The following MAGOH variants were observed in gnomAD, a reference collection of about 807,000 sequenced individuals.
The protein encoded by MAGOH is mago homolog, exon junction complex subunit, also known as protein mago nashi homolog.
Under a neutral mutation model 20.9 loss-of-function variants are expected in MAGOH, and 3 were observed. The ratio of observed to expected loss-of-function variants is 0.14; its 90% confidence interval spans 0.07 to 0.37. The LOEUF is 0.37. MAGOH is among the 10% of genes least tolerant of loss of function. The pLI, the probability that MAGOH is intolerant of heterozygous loss-of-function variation, is 1.00. For missense variants in MAGOH, 66 were observed against 178.1 expected, an observed-to-expected ratio of 0.37 and a Z score of 3.58; for synonymous variants, 51 against 61.0, an observed-to-expected ratio of 0.84 and a Z score of 0.76.
intron 4 of MAGOH, 26 bp from the exon 5 acceptor site, chr1:53,227,170 A>T: frequency 7.1e-7 from 1 of 1,410,870 alleles, no homozygotes; most frequent in South Asian, 1.3e-5. Context: ...AAAAAAGTTT[A>T]GGCATTAAAA....
At chr1:53,231,854 T>C (rs1056897540) in intron 3 of MAGOH, among the ~76,000 whole-genome samples, 1 of 152,376 alleles carries the variant, frequency 6.6e-6, no homozygotes, top group African/African-American at 2.4e-5. Flanking sequence ...ATAAATTACT[T>C]TGTTGAAAAC....
intron 1 of MAGOH, 59 bp downstream of exon 1, chr1:53,238,302 C>G (rs1645626657): frequency 1.3e-6 from 2 of 1,526,154 alleles, no homozygotes; most frequent in Non-Finnish European, 1.8e-6. Context: ...CCTCGGCCTC[C>G]CCACTCGCCG....
chr1:53,236,200 T>TAGAAGACATACATGTG (rs1446461229), intron 1 of MAGOH, among the ~76,000 whole-genome samples: 1 of 152,240 alleles, frequency 6.6e-6, no homozygotes, highest in Admixed American at 6.5e-5. Flanking sequence ...ACATGTAGAC[T>TAGAAGACATACATGTG]AGAAGACATA....
chr1:53,226,929 G>A lies in MAGOH; in HGVS notation c.*116C>T. The A allele has an allele frequency of 1.6e-6, 1 of 619,726 alleles. No homozygotes were observed. Among genetic ancestry groups the A allele is most frequent in the Non-Finnish European group, 2.8e-6 (1 of 352,808 alleles). The allele number at this position is 619,726 out of a possible 1,614,324, so 38.4% of individuals were successfully genotyped here. ...GGTCTTTATAAAATAATAAAAATTG[G>A]ATTTTATCACATATTTATTAAAGAC... On this transcript the variant is annotated 3_prime_UTR_variant, in exon 5 of 5. Coordinates refer to ENST00000371470, the MANE Select transcript of MAGOH (RefSeq NM_002370.4).
At chr1:53,228,197 C>A (rs773178819) in intron 4 of MAGOH, among the ~76,000 whole-genome samples, 1 of 151,944 alleles carries the variant, frequency 6.6e-6, no homozygotes, top group Non-Finnish European at 1.5e-5. Flanking sequence ...TTTGGGAGGC[C>A]GAGGCAGGCG....
intron 3 of MAGOH, among the ~76,000 whole-genome samples, chr1:53,229,234 T>C (rs1451318821): frequency 6.6e-6 from 1 of 151,582 alleles, no homozygotes; most frequent in Non-Finnish European, 1.5e-5. Flanking sequence ...AGTCTCACTC[T>C]GTTGCCCAGG....
At chr1:53,228,754 C>T in intron 4 of MAGOH, 118 bp downstream of exon 4, 1 of 747,822 alleles carries the variant, frequency 1.3e-6, no homozygotes. Flanking sequence ...GACAAAGCTG[C>T]CCACCTGCAT....
Sources: gnomAD v4.1 joint callset for allele counts (sites outside exome capture counted in the v4.1 genomes callset) on GRCh38, gnomAD v4.1.1 for gene constraint, MANE v1.5 for transcripts, NCBI Gene and HGNC (gene_info 2026-07-23, HGNC 2026-07-21) for gene names.